IL23R: variants seen among roughly 807,000 people sequenced by gnomAD.
IL23R encodes the protein interleukin-23 receptor.
In IL23R, 34 loss-of-function variants were observed where a neutral mutation model predicts 56.9. The ratio of observed to expected loss-of-function variants is 0.60; its 90% CI spans 0.45 to 0.80. The LOEUF (loss-of-function observed/expected upper bound fraction) is 0.80. IL23R is among the 30% of genes least tolerant of loss of function. The probability of loss-of-function intolerance (pLI) is 0.00; values close to 1 mark genes in which losing one functional copy is unlikely to be tolerated. For synonymous variants in IL23R, 230 were observed against 249.2 expected (o/e 0.92, Z 0.73); for missense variants, 635 against 730.0 (o/e 0.87, Z 1.50).
At chr1:67,244,379 CTT>C (rs1558262434) in intron 9 of IL23R, among the ~76,000 whole-genome samples, 3 of 152,160 alleles carry the variant, frequency 2.0e-5, no homozygotes, top group Non-Finnish European at 2.9e-5. Context: ...ATCATGAACT[CTT>C]TGCCCATGCC....
chr1:67,208,343 G>T lies in IL23R; in HGVS notation c.798+1288G>T, dbSNP rs141029177. On this transcript the variant is annotated intron_variant, in intron 6 of 10. Coordinates refer to ENST00000347310, the MANE Select transcript of IL23R (RefSeq NM_144701.3). Reference sequence around the variant, plus strand: ...CAAGGAGCCTAATGTTAATTCCCTAGACCATGGGGAAAATGTCTCCAGGCC... The same window carrying T: ...CAAGGAGCCTAATGTTAATTCCCTATACCATGGGGAAAATGTCTCCAGGCC... 9.9e-3 allele frequency among the ~76,000 whole-genome samples: 1,511 copies of T among 152,298 alleles called. 26 individuals carry two copies. Among genetic ancestry groups the T allele is most frequent in the African/African-American group, 0.033 (1,391 of 41,552 alleles).
chr1:67,206,557 G>C (rs1649077333), intron 5 of IL23R, among the ~76,000 whole-genome samples: 1 of 152,136 alleles, frequency 6.6e-6, no homozygotes, highest in Non-Finnish European at 1.5e-5. Context: ...GGAGGGAAGA[G>C]GGGATAGCTC....
intron 6 of IL23R, chr1:67,207,302 A>G: frequency 3.6e-6 from 2 of 551,840 alleles, no homozygotes; most frequent in Non-Finnish European, 6.5e-6. Flanking sequence ...TGATCCTGTC[A>G]CCCAGGTGCT....
At chr1:67,164,622 A>G (rs1280841483), upstream of IL23R, among the ~76,000 whole-genome samples, 2 of 149,558 alleles carry the variant, frequency 1.3e-5, no homozygotes, top group Middle Eastern at 3.4e-3. Context: ...ACAGAGCAAA[A>G]CTCTGTCACA....
intron 1 of IL23R, among the ~76,000 whole-genome samples, chr1:67,155,137 T>C (rs1439884180): frequency 2.6e-5 from 4 of 152,342 alleles, no homozygotes; most frequent in East Asian, 1.9e-4. Flanking sequence ...TTCTGGCTTG[T>C]AGAGTTTCTG....
chr1:67,145,722 A>T (rs553488205), intron 1 of IL23R, among the ~76,000 whole-genome samples: 27 of 152,330 alleles, frequency 1.8e-4, no homozygotes, highest in South Asian at 8.3e-4. Flanking sequence ...TACGGGGAAA[A>T]CAGGATCATT....
chr1:67,170,936 G>A (rs894803576), intron 3 of IL23R, among the ~76,000 whole-genome samples: 1 of 152,208 alleles, frequency 6.6e-6, no homozygotes, highest in Non-Finnish European at 1.5e-5. Context: ...AGTTGTAGAG[G>A]TGAGTTGAGG....
intron 1 of IL23R, among the ~76,000 whole-genome samples, chr1:67,150,833 T>C (rs560100158): frequency 3.0e-4 from 46 of 152,272 alleles, no homozygotes; most frequent in Non-Finnish European, 6.3e-4. Flanking sequence ...ATGTACCACA[T>C]TTTCTTTATC....
chr1:67,230,670 C>T (rs373054755), intron 7 of IL23R, among the ~76,000 whole-genome samples: 2 of 152,290 alleles, frequency 1.3e-5, no homozygotes, highest in Non-Finnish European at 1.5e-5. Flanking sequence ...TCTGTGTGTA[C>T]CCTGCTACCC....
chr1:67,161,963 T>C (rs1354032608), upstream of IL23R, among the ~76,000 whole-genome samples: 1 of 152,058 alleles, frequency 6.6e-6, no homozygotes, highest in Non-Finnish European at 1.5e-5. Flanking sequence ...CTTACTTTCT[T>C]TTAAATATAA....
chr1:67,222,077 T>C (rs1438280583), intron 7 of IL23R, among the ~76,000 whole-genome samples: 1 of 148,108 alleles, frequency 6.8e-6, no homozygotes, highest in Non-Finnish European at 1.5e-5. Flanking sequence ...TATTAGGGAA[T>C]CCTTTTCTCT....
intron 9 of IL23R, among the ~76,000 whole-genome samples, chr1:67,249,957 C>A (rs1411020540): frequency 6.6e-6 from 1 of 152,056 alleles, no homozygotes. Flanking sequence ...TAGCAATACC[C>A]CTTTATCTTT....
intron 2 of IL23R, among the ~76,000 whole-genome samples, chr1:67,168,589 G>C (rs959474622): frequency 6.6e-6 from 1 of 152,134 alleles, no homozygotes; most frequent in African/African-American, 2.4e-5. Context: ...TGGGCCATTG[G>C]CAAGAGTATG....
At chr1:67,237,956 G>A (rs1484990622) in intron 8 of IL23R, among the ~76,000 whole-genome samples, 1 of 152,192 alleles carries the variant, frequency 6.6e-6, no homozygotes, top group South Asian at 2.1e-4. Flanking sequence ...AATGAGCAAA[G>A]CCCCTGTCTT....
At chr1:67,262,644 C>G (rs1570939017), downstream of IL23R, among the ~76,000 whole-genome samples, 4 of 152,174 alleles carry the variant, frequency 2.6e-5, no homozygotes, top group South Asian at 8.3e-4. Context: ...CTTCTTAAGC[C>G]AGAATTTTCT....
chr1:67,179,807 G>T (rs59063655), intron 3 of IL23R, among the ~76,000 whole-genome samples: 3,211 of 151,914 alleles, frequency 0.021, 99 homozygotes, highest in African/African-American at 0.073. Flanking sequence ...CCAGAGATTC[G>T]GGTATGTTGT....
intron 7 of IL23R, among the ~76,000 whole-genome samples, chr1:67,231,197 A>G (rs1196592264): frequency 6.6e-6 from 1 of 152,228 alleles, no homozygotes; most frequent in African/African-American, 2.4e-5. Flanking sequence ...TGGCAAGCGC[A>G]AAAGTAAATA....
chr1:67,156,642 A>G (rs1384020005), intron 1 of IL23R, among the ~76,000 whole-genome samples: 2 of 152,132 alleles, frequency 1.3e-5, no homozygotes, highest in African/African-American at 4.8e-5. Flanking sequence ...AGCCACAGTA[A>G]TGGCAGCTGC....
upstream of IL23R, among the ~76,000 whole-genome samples, chr1:67,164,363 C>G (rs1347641127): frequency 6.6e-6 from 1 of 151,924 alleles, no homozygotes; most frequent in South Asian, 2.1e-4. Flanking sequence ...CCGGGTGAGG[C>G]GTCTCACGCC....
Sources: gnomAD v4.1 joint callset for allele counts (sites outside exome capture counted in the v4.1 genomes callset) on GRCh38, gnomAD v4.1.1 for gene constraint, MANE v1.5 for transcripts, NCBI Gene and HGNC (gene_info 2026-07-23, HGNC 2026-07-21) for gene names.